Variants in ABL1 observed in about 807,000 individuals in gnomAD.
ABL1 encodes tyrosine-protein kinase ABL1.
Under a neutral mutation model 94.7 loss-of-function variants are expected in ABL1, and 11 were observed. That is an observed-to-expected ratio of 0.12 (90% CI 0.07 to 0.19). The LOEUF is 0.19. Among genes scored for constraint, ABL1 ranks in the 10% least tolerant of loss-of-function variants. The probability of loss-of-function intolerance (pLI) is 1.00; values close to 1 mark genes in which losing one functional copy is unlikely to be tolerated. For synonymous variants in ABL1, 656 were observed against 622.4 expected, an observed-to-expected ratio of 1.05 and a Z score of -0.80; for missense variants, 1,082 against 1,489.4, an observed-to-expected ratio of 0.73 and a Z score of 4.50.
Position 130,760,700 on chromosome 9 carries a change from G to C in ABL1, c.136+46245G>C, listed in dbSNP as rs551926656. Among the ~76,000 whole-genome samples, 16 of 142,838 alleles carry C rather than the reference G, an allele frequency of 1.1e-4. No homozygotes were observed. The South Asian group carries it at 3.5e-3, about 32-fold the overall frequency. 93.7% of individuals were successfully genotyped at this position (142,838 alleles called of 152,430 possible). ...TTTTTTTGAAATGGAGTCTCGCTCTGTCGCCAGGCTGGAGTGCAGTGGCGC... is the reference window on the plus strand; with the variant it reads ...TTTTTTTGAAATGGAGTCTCGCTCTCTCGCCAGGCTGGAGTGCAGTGGCGC... On this transcript the variant is annotated intron_variant, in intron 1 of 10. Transcript: ENST00000372348.
At chr9:130,866,786 A>G (rs72765072) in intron 4 of ABL1, among the ~76,000 whole-genome samples, 2 of 152,328 alleles carry the variant, frequency 1.3e-5, no homozygotes, top group Non-Finnish European at 2.9e-5. Flanking sequence ...TAGTCTTGCT[A>G]TCTGTGTTAA....
chr9:130,829,680 A>T (rs1830471066), intron 1 of ABL1, among the ~76,000 whole-genome samples: 1 of 152,178 alleles, frequency 6.6e-6, no homozygotes, highest in African/African-American at 2.4e-5. Context: ...AAATGGTGAT[A>T]GGTATATAGA....
At chr9:130,780,378 A>G (rs1829740909) in intron 1 of ABL1, among the ~76,000 whole-genome samples, 1 of 152,226 alleles carries the variant, frequency 6.6e-6, no homozygotes, top group Non-Finnish European at 1.5e-5. Context: ...GGAAGAAGCC[A>G]TACGGTGAAC....
At chr9:130,713,921 A>G (rs1453956372) in exon 1 of ABL1, 5 of 234,410 alleles carry the variant, frequency 2.1e-5, no homozygotes, top group Admixed American at 1.1e-4. Flanking sequence ...AGGAGTAGCC[A>G]AAGACCATCA....
intron 3 of ABL1, among the ~76,000 whole-genome samples, chr9:130,860,075 C>T (rs544478787): frequency 1.3e-5 from 2 of 152,260 alleles, no homozygotes; most frequent in South Asian, 4.1e-4. Flanking sequence ...CCTGAGTGTT[C>T]ATGGAACCAG....
intron 1 of ABL1, among the ~76,000 whole-genome samples, chr9:130,850,392 T>C (rs1405953964): frequency 6.6e-6 from 1 of 152,194 alleles, no homozygotes; most frequent in Non-Finnish European, 1.5e-5. Flanking sequence ...AGTGAATGGC[T>C]CTAAGTTCTC....
intron 1 of ABL1, among the ~76,000 whole-genome samples, chr9:130,792,257 G>A (rs1320616410): frequency 6.6e-6 from 1 of 152,126 alleles, no homozygotes; most frequent in Non-Finnish European, 1.5e-5. Flanking sequence ...GCTTCCCACT[G>A]CTAATGTGTC....
chr9:130,834,198 A>T (rs1257453549), upstream of ABL1, among the ~76,000 whole-genome samples: 1 of 152,246 alleles, frequency 6.6e-6, no homozygotes, highest in African/African-American at 2.4e-5. Flanking sequence ...TGAAGGTAAC[A>T]TGGCACATAG....
intron 1 of ABL1, among the ~76,000 whole-genome samples, chr9:130,807,879 G>A (rs989770303): frequency 6.0e-5 from 9 of 150,842 alleles, no homozygotes; most frequent in Non-Finnish European, 1.2e-4. Flanking sequence ...TGTATTTTTA[G>A]TTGAGATGGG....
At chr9:130,859,315 C>G (rs1831025654) in intron 3 of ABL1, among the ~76,000 whole-genome samples, 1 of 152,176 alleles carries the variant, frequency 6.6e-6, no homozygotes, top group Non-Finnish European at 1.5e-5. Flanking sequence ...GTGACAGATC[C>G]AAGGCCCTAA....
chr9:130,748,377 C>A (rs572164449), intron 1 of ABL1, among the ~76,000 whole-genome samples: 1 of 152,200 alleles, frequency 6.6e-6, no homozygotes, highest in African/African-American at 2.4e-5. Context: ...TGATGACACA[C>A]CTGACTCTAA....
At chr9:130,809,397 AGAGAGAGAGAGAGAGAGAGAGT>A (rs1481756628) in intron 1 of ABL1, among the ~76,000 whole-genome samples, 3 of 118,094 alleles carry the variant, frequency 2.5e-5, no homozygotes, top group African/African-American at 9.0e-5. Context: ...AGAGAGAGAG[AGAGAGAGAGAGAGAGAGAGAGT>A]GTGTGTGTGT....
chr9:130,801,861 G>A (rs1288125817), intron 1 of ABL1, among the ~76,000 whole-genome samples: 1 of 151,974 alleles, frequency 6.6e-6, no homozygotes, highest in Non-Finnish European at 1.5e-5. Flanking sequence ...CTTTGGTTTT[G>A]GAGTATTTGA....
At chr9:130,807,764 C>A (rs1306072587) in intron 1 of ABL1, among the ~76,000 whole-genome samples, 1 of 132,692 alleles carries the variant, frequency 7.5e-6, no homozygotes, top group Non-Finnish European at 1.5e-5. Context: ...ATGGTGCGAT[C>A]TCGGCTCACC....
At position 130,875,071 on chromosome 9, in the gene ABL1, C is replaced by G; in HGVS notation, c.1270+19C>G. ...GTCTGGGGTAAGGGCTGCTGCTGCA[C>G]TGAAGTGGTCCTTCCTGACTACAGG... On this transcript the variant is annotated intron_variant, in intron 7 of 10. Transcript: ENST00000318560. 6.2e-7 allele frequency: 1 copy of G among 1,612,644 alleles called. No individual in the cohort carries two copies. Among genetic ancestry groups the G allele is most frequent in the Non-Finnish European group, 8.5e-7 (1 of 1,178,986 alleles).
chr9:130,861,629 C>T (rs1831073061), intron 3 of ABL1, among the ~76,000 whole-genome samples: 1 of 152,080 alleles, frequency 6.6e-6, no homozygotes, highest in Non-Finnish European at 1.5e-5. Flanking sequence ...TTCTCCCTCT[C>T]GTCCCAAGCA....
intron 1 of ABL1, among the ~76,000 whole-genome samples, chr9:130,724,149 G>T (rs868543783): frequency 1.3e-5 from 2 of 150,798 alleles, no homozygotes; most frequent in Admixed American, 6.6e-5. Flanking sequence ...TTGCTTTGTC[G>T]CCCAGGCTGG....
chr9:130,726,258 C>G lies in ABL1; in HGVS notation c.136+11803C>G, dbSNP rs183534939. 6.7e-3 allele frequency among the ~76,000 whole-genome samples: 1,016 copies of G among 152,060 alleles called. 17 individuals carry two copies. The highest frequency in any genetic ancestry group is 0.023 in the African/African-American group (932 of 41,416). ...CACAAATGAATACCTCTGCATTCCA[C>G]TATCTTGCTTAAGAAGTAGAAAATT... On this transcript the variant is annotated intron_variant, in intron 1 of 10. Transcript: ENST00000372348.
At chr9:130,878,269 G>C in intron 7 of ABL1, 146 bp from the exon 8 acceptor site, 1 of 953,846 alleles carries the variant, frequency 1.0e-6, no homozygotes. Context: ...GTCTTCTGAT[G>C]ATAAAGAGCC....
Sources: allele counts gnomAD v4.1 joint callset (sites outside exome capture counted in the v4.1 genomes callset), GRCh38; gene constraint gnomAD v4.1.1; transcripts MANE v1.5; gene names NCBI Gene and HGNC (gene_info 2026-07-23, HGNC 2026-07-21).